RBKS: variants seen among roughly 807,000 people sequenced by gnomAD.
RBKS encodes ribokinase.
In RBKS, 33 loss-of-function variants were observed where a neutral mutation model predicts 33.9. The observed-to-expected ratio is 0.97, with a 90% CI of 0.74 to 1.30. The LOEUF (loss-of-function observed/expected upper bound fraction) is 1.30. Ranked by LOEUF, RBKS falls within the 50% of genes most tolerant of loss-of-function variation. The pLI is 0.00. For missense variants in RBKS, 361 were observed against 392.6 expected (o/e 0.92, Z 0.68); for synonymous variants, 125 against 143.0 (o/e 0.87, Z 0.90).
chr2:27,806,510 G>T (rs756257745), intron 7 of RBKS, among the ~76,000 whole-genome samples: 1 of 152,226 alleles, frequency 6.6e-6, no homozygotes, highest in Non-Finnish European at 1.5e-5. Flanking sequence ...GCAATGCCGT[G>T]AGGTAGGTAG....
At chr2:27,807,512 C>G (rs1179173133) in intron 7 of RBKS, among the ~76,000 whole-genome samples, 1 of 152,124 alleles carries the variant, frequency 6.6e-6, no homozygotes, top group East Asian at 1.9e-4. Flanking sequence ...TCCTGAGTAG[C>G]TGGGACTACA....
At chr2:27,850,740 C>CGAA (rs1663730625) in intron 2 of RBKS, among the ~76,000 whole-genome samples, 1 of 152,154 alleles carries the variant, frequency 6.6e-6, no homozygotes, top group Admixed American at 6.5e-5. Context: ...GGATGTCTTC[C>CGAA]AAGTTTGGGA....
chr2:27,851,786 A>G (rs1663751208), intron 2 of RBKS, among the ~76,000 whole-genome samples: 1 of 152,008 alleles, frequency 6.6e-6, no homozygotes, highest in African/African-American at 2.4e-5. Flanking sequence ...TGATCTGCCC[A>G]TCTCAGCCTC....
chr2:27,811,717 A>G (rs559879257), intron 7 of RBKS, among the ~76,000 whole-genome samples: 3 of 152,312 alleles, frequency 2.0e-5, no homozygotes, highest in Admixed American at 2.0e-4. Context: ...TAGAAATAAG[A>G]TTTTCCCAGA....
intron 6 of RBKS, among the ~76,000 whole-genome samples, chr2:27,829,897 G>C (rs1678387854): frequency 6.6e-6 from 1 of 152,262 alleles, no homozygotes; most frequent in Non-Finnish European, 1.5e-5. Flanking sequence ...GGGGTAGCAG[G>C]TTCCTCCCCC....
intron 7 of RBKS, among the ~76,000 whole-genome samples, chr2:27,821,100 G>C (rs1002376105): frequency 6.8e-6 from 1 of 148,112 alleles, no homozygotes; most frequent in Non-Finnish European, 1.5e-5. Flanking sequence ...TGGAAACACT[G>C]TACAAATTTA....
chr2:27,781,598 T>A lies in RBKS; in HGVS notation c.*17A>T, dbSNP rs182727100. The A allele has an allele frequency of 1.1e-4, 172 of 1,585,522 alleles. No individual in the cohort carries two copies. The East Asian group carries it at 3.7e-3, about 34-fold the overall frequency. On this transcript the variant is annotated 3_prime_UTR_variant, in exon 8 of 8. Transcript: ENST00000302188. ...ACATTTTATTCCCAGGTATATTTAT[T>A]TTGGGACTAATAGCAATCAAAACAG...
At chr2:27,823,154 G>A (rs945965518) in intron 7 of RBKS, among the ~76,000 whole-genome samples, 8 of 152,146 alleles carry the variant, frequency 5.3e-5, no homozygotes, top group Non-Finnish European at 1.2e-4. Context: ...TCTGTCATTT[G>A]GAGGCTGAGA....
intron 7 of RBKS, among the ~76,000 whole-genome samples, chr2:27,813,988 G>A (rs1039935372): frequency 2.0e-5 from 3 of 152,124 alleles, no homozygotes; most frequent in African/African-American, 7.2e-5. Context: ...GGGAGGCTGA[G>A]GTGGGAGGAT....
intron 7 of RBKS, among the ~76,000 whole-genome samples, chr2:27,802,901 T>C (rs1210639653): frequency 6.6e-6 from 1 of 152,212 alleles, no homozygotes; most frequent in African/African-American, 2.4e-5. Context: ...GACTGAGCGG[T>C]CTGTTTGTGA....
intron 6 of RBKS, among the ~76,000 whole-genome samples, chr2:27,831,344 T>G (rs1246103840): frequency 6.6e-6 from 1 of 152,130 alleles, no homozygotes; most frequent in Admixed American, 6.5e-5. Flanking sequence ...GAATAAGTAA[T>G]TTGAGCTGTG....
At chr2:27,861,338 G>A (rs1663978839) in intron 1 of RBKS, 2 of 400,228 alleles carry the variant, frequency 5.0e-6, no homozygotes, top group Admixed American at 5.7e-5. Flanking sequence ...ATGTGGAGGT[G>A]TTGATTAGGG....
chr2:27,818,241 G>A (rs1374874564), intron 7 of RBKS, among the ~76,000 whole-genome samples: 4 of 152,220 alleles, frequency 2.6e-5, no homozygotes, highest in South Asian at 4.1e-4. Flanking sequence ...TGTTCTCAGG[G>A]TATACGTGGA....
chr2:27,869,680 C>T lies in RBKS; in HGVS notation c.90-11109G>A, dbSNP rs1664164121. 3 of 173,488 alleles carry T rather than the reference C, an allele frequency of 1.7e-5. No homozygotes were observed. The Admixed American group carries it at 1.9e-4, about 11-fold the overall frequency. 10.7% of individuals were successfully genotyped at this position (173,488 alleles called of 1,614,324 possible). On this transcript the variant is annotated intron_variant, in intron 1 of 7. Coordinates refer to ENST00000302188, the MANE Select transcript of RBKS (RefSeq NM_022128.3). ...TGTAATATATAATGGAATAATTATA[C>T]AACTCATCATAATGTTGAATCAGTA... is the stretch of plus-strand genomic sequence containing the variant.
At chr2:27,800,146 G>A (rs1677747264) in intron 7 of RBKS, among the ~76,000 whole-genome samples, 1 of 148,820 alleles carries the variant, frequency 6.7e-6, no homozygotes, top group African/African-American at 2.5e-5. Flanking sequence ...TCAACCTCCT[G>A]GGCCCAAGCA....
intron 7 of RBKS, among the ~76,000 whole-genome samples, chr2:27,794,192 G>A (rs1677592514): frequency 6.6e-6 from 1 of 151,542 alleles, no homozygotes; most frequent in South Asian, 2.1e-4. Context: ...AGCTACTTGG[G>A]AGGCCGAGGC....
chr2:27,879,763 C>T (rs899924998), intron 1 of RBKS, among the ~76,000 whole-genome samples: 3 of 152,136 alleles, frequency 2.0e-5, no homozygotes, highest in Non-Finnish European at 4.4e-5. Flanking sequence ...TTCCTGGACA[C>T]ATACACCCTC....
intron 7 of RBKS, 71 bp downstream of exon 7, chr2:27,827,496 T>C: frequency 2.2e-6 from 3 of 1,352,176 alleles, no homozygotes; most frequent in Non-Finnish European, 2.0e-6. Context: ...AAAATTCAGG[T>C]ACAGCATCTA....
intron 1 of RBKS, among the ~76,000 whole-genome samples, chr2:27,866,854 A>G (rs1664111876): frequency 6.6e-6 from 1 of 152,172 alleles, no homozygotes; most frequent in Non-Finnish European, 1.5e-5. Flanking sequence ...CTGTAATCCC[A>G]ACATTTTAAA....
Sources: allele counts gnomAD v4.1 joint callset (sites outside exome capture counted in the v4.1 genomes callset), GRCh38; gene constraint gnomAD v4.1.1; transcripts MANE v1.5; gene names NCBI Gene and HGNC (gene_info 2026-07-23, HGNC 2026-07-21).